ARHGEF10L: variants seen among roughly 807,000 people sequenced by gnomAD.
The protein encoded by ARHGEF10L is rho guanine nucleotide exchange factor 10-like protein.
In ARHGEF10L, 69 loss-of-function variants were observed where a neutral mutation model predicts 141.2. The ratio of observed to expected loss-of-function variants is 0.49; its 90% CI spans 0.40 to 0.60. The LOEUF (loss-of-function observed/expected upper bound fraction) is 0.60, where lower values mean the gene tolerates loss of function less well. Among genes scored for constraint, ARHGEF10L ranks in the 20% least tolerant of loss-of-function variants. ARHGEF10L has a pLI of 0.00. For missense variants in ARHGEF10L, 1,482 were observed against 1,734.3 expected, an observed-to-expected ratio of 0.85 and a Z score of 2.58; for synonymous variants, 711 against 718.5, an observed-to-expected ratio of 0.99 and a Z score of 0.17.
intron 1 of ARHGEF10L, among the ~76,000 whole-genome samples, chr1:17,545,292 G>A (rs976446375): frequency 4.6e-5 from 7 of 152,208 alleles, no homozygotes; most frequent in African/African-American, 1.7e-4. Flanking sequence ...TGGGAATCCA[G>A]CAATGAGCAA....
chr1:17,655,951 G>A lies in ARHGEF10L; in HGVS notation c.2554G>A (p.Val852Ile), dbSNP rs149980156. 2,392 of 1,561,376 alleles carry A rather than the reference G, an allele frequency of 1.5e-3. 7 individuals are homozygous for A. Among genetic ancestry groups the A allele is most frequent in the Non-Finnish European group, 1.9e-3 (2,146 of 1,152,176 alleles). The change falls in exon 24 of 29, where the codon GTC becomes ATC. Residue 852 changes from valine (V) to isoleucine (I), a missense_variant. Val to Ile is a conservative substitution (Grantham distance 29). Around this residue, in one of 3 missense-constraint regions of ARHGEF10L, gnomAD observed 858 missense variants for 966.3 expected, o/e 0.89. Transcript: ENST00000361221. The part of the protein sequence containing the change: ...FSLNRPSPRT[V>I]KSFPLAAPVL... Reference sequence around the variant, plus strand: ...CTTGAACCGGCCCTCGCCCCGCACCGTCAAGTCCTTCCCACTGGCAGCCCC... The same window carrying A: ...CTTGAACCGGCCCTCGCCCCGCACCATCAAGTCCTTCCCACTGGCAGCCCC...
At chr1:17,618,474 G>A (rs1473426002) in intron 9 of ARHGEF10L, 16 of 1,456,304 alleles carry the variant, frequency 1.1e-5, no homozygotes, top group Middle Eastern at 1.8e-4. Context: ...CCACCCCCAC[G>A]CCGTCATCCG....
chr1:17,670,988 G>T (rs941448265), intron 26 of ARHGEF10L, among the ~76,000 whole-genome samples: 1 of 152,238 alleles, frequency 6.6e-6, no homozygotes, highest in Non-Finnish European at 1.5e-5. Context: ...ACCCCTTCAT[G>T]GTCTCAGCAC....
At chr1:17,593,907 T>C (rs1318364592) in intron 4 of ARHGEF10L, among the ~76,000 whole-genome samples, 1 of 151,192 alleles carries the variant, frequency 6.6e-6, no homozygotes, top group African/African-American at 2.4e-5. Context: ...GGCATGGTGC[T>C]TGGGCTCAAA....
chr1:17,635,629 C>G (rs973021415), intron 18 of ARHGEF10L, among the ~76,000 whole-genome samples: 3 of 152,216 alleles, frequency 2.0e-5, no homozygotes, highest in African/African-American at 7.2e-5. Flanking sequence ...CTCAGAGAAG[C>G]CTTTTCTTAT....
chr1:17,553,052 C>T (rs899756793), intron 1 of ARHGEF10L, among the ~76,000 whole-genome samples: 1 of 152,206 alleles, frequency 6.6e-6, no homozygotes, highest in East Asian at 1.9e-4. Context: ...ACTTGGAGCT[C>T]CAGTGGGCCT....
chr1:17,630,639 A>G (rs2060629151), intron 15 of ARHGEF10L, among the ~76,000 whole-genome samples: 1 of 152,220 alleles, frequency 6.6e-6, no homozygotes, highest in Non-Finnish European at 1.5e-5. Context: ...TGTGCTGTCA[A>G]TCAACAGTGG....
At chr1:17,626,115 G>C in intron 14 of ARHGEF10L, 67 bp downstream of exon 14, 1 of 1,419,044 alleles carries the variant, frequency 7.0e-7, no homozygotes, top group Non-Finnish European at 9.9e-7. Context: ...GTGCCTCCTG[G>C]GGTAGGAGGG....
At chr1:17,608,105 G>C in intron 7 of ARHGEF10L, 128 bp downstream of exon 7, 2 of 1,016,520 alleles carry the variant, frequency 2.0e-6, no homozygotes, top group Non-Finnish European at 2.6e-6. Flanking sequence ...GGGATTCCCG[G>C]GTATGTGTGG....
At position 17,643,034 on chromosome 1, in the gene ARHGEF10L, A is replaced by T. The variant is rs560369370; in HGVS notation, c.2272+2732A>T. 1.2e-4 allele frequency among the ~76,000 whole-genome samples: 18 copies of T among 152,370 alleles called. No homozygotes were observed. The South Asian group carries it at 3.5e-3, about 30-fold the overall frequency. ...TATCTCCACACAGCTTCACTGCAGC[A>T]AAAGTTTTAATGGAAGAAGAGTCAT... is the stretch of plus-strand genomic sequence containing the variant. On this transcript the variant is annotated intron_variant, in intron 21 of 28. Transcript: ENST00000361221.
rs374913905 is a variant in ARHGEF10L, at chr1:17,687,766, C to T, written c.3184+19C>T. Reference sequence around the variant, plus strand: ...CTGCCAGGTGAGGCTGCCTCGGGCACGGGGGAGCGGACAGTCACAGAGCAC... The same window carrying T: ...CTGCCAGGTGAGGCTGCCTCGGGCATGGGGGAGCGGACAGTCACAGAGCAC... On this transcript the variant is annotated intron_variant, in intron 27 of 28. Transcript: ENST00000361221. 42 of 1,556,330 alleles carry T rather than the reference C, an allele frequency of 2.7e-5. No individual in the cohort carries two copies. Among genetic ancestry groups the T allele is most frequent in the African/African-American group, 6.8e-5 (5 of 73,508 alleles).
At chr1:17,524,014 C>T in the ARHGEF10L span, among the ~76,000 whole-genome samples, 5 of 152,314 alleles carry the variant, frequency 3.3e-5, no homozygotes, top group African/African-American at 1.2e-4. Flanking sequence ...TGGCTCATGC[C>T]TATAATCCCA....
At position 17,618,403 on chromosome 1, in the gene ARHGEF10L, G is replaced by A. The variant is rs938146807; in HGVS notation, c.836-936G>A. The A allele has an allele frequency of 5.8e-6, 9 of 1,542,818 alleles. No homozygotes were observed. In the African/African-American group the frequency reaches 8.3e-5, roughly 14 times the overall value. ...AAGAGGAAGCTGCGAGGCAGGCTGG[G>A]GTGGGTGCGGAGTGATGCCCGGGGC... On this transcript the variant is annotated intron_variant, in intron 9 of 28. Coordinates refer to ENST00000361221, the MANE Select transcript of ARHGEF10L (RefSeq NM_018125.4).
chr1:17,614,298 C>G (rs541770430), intron 8 of ARHGEF10L, among the ~76,000 whole-genome samples: 1 of 152,324 alleles, frequency 6.6e-6, no homozygotes, highest in Admixed American at 6.5e-5. Context: ...GGGCTAACCT[C>G]TCAGGAAGCC....
intron 4 of ARHGEF10L, among the ~76,000 whole-genome samples, chr1:17,593,814 T>C (rs747049277): frequency 1.3e-4 from 19 of 151,976 alleles, no homozygotes; most frequent in Non-Finnish European, 2.4e-4. Flanking sequence ...ACGACAGCCC[T>C]GGAAAGAGGA....
chr1:17,541,274 T>C (rs2076718585), intron 1 of ARHGEF10L, among the ~76,000 whole-genome samples: 1 of 152,128 alleles, frequency 6.6e-6, no homozygotes, highest in South Asian at 2.1e-4. Flanking sequence ...TGAGCCAGGG[T>C]AGCCACAGTG....
chr1:17,630,611 C>T (rs1233357545), intron 15 of ARHGEF10L, among the ~76,000 whole-genome samples: 5 of 152,238 alleles, frequency 3.3e-5, no homozygotes, highest in Admixed American at 1.3e-4. Context: ...GAATGGTGAA[C>T]GTGGCCTGGC....
chr1:17,611,815 G>A (rs2059565543), intron 7 of ARHGEF10L, among the ~76,000 whole-genome samples: 1 of 152,162 alleles, frequency 6.6e-6, no homozygotes, highest in African/African-American at 2.4e-5. Flanking sequence ...GAGCCTACAT[G>A]CCTCCAGAAC....
At chr1:17,643,921 A>C (rs1381810135) in intron 21 of ARHGEF10L, among the ~76,000 whole-genome samples, 1 of 151,866 alleles carries the variant, frequency 6.6e-6, no homozygotes, top group African/African-American at 2.4e-5. Flanking sequence ...TAAAAGCTCC[A>C]GAACAGGGCT....
Sources: allele counts gnomAD v4.1 joint callset (sites outside exome capture counted in the v4.1 genomes callset), GRCh38; gene constraint gnomAD v4.1.1; regional missense constraint gnomAD v4.1.1; transcripts MANE v1.5; gene names NCBI Gene and HGNC (gene_info 2026-07-23, HGNC 2026-07-21).